Variants in SLC24A2 observed in about 807,000 individuals in gnomAD.
The protein encoded by SLC24A2 is sodium/potassium/calcium exchanger 2.
SLC24A2 carries 36 observed loss-of-function variants against 62.0 expected under a neutral mutation model. That is an observed-to-expected ratio of 0.58 (90% CI 0.44 to 0.77). The LOEUF (loss-of-function observed/expected upper bound fraction) is 0.77. Ranked by LOEUF, SLC24A2 falls within the 30% of genes least tolerant of loss-of-function variation. SLC24A2 has a pLI of 0.00. For synonymous variants in SLC24A2, 358 were observed against 294.0 expected (o/e 1.22, Z -2.23); for missense variants, 846 against 817.9 (o/e 1.03, Z -0.42).
the SLC24A2 span, among the ~76,000 whole-genome samples, chr9:20,144,258 G>A: frequency 7.6e-4 from 116 of 152,302 alleles, 1 homozygote; most frequent in Non-Finnish European, 1.5e-3. Flanking sequence ...CAAAGCTTCT[G>A]CCAGGAATGT....
At chr9:20,049,106 T>A in the SLC24A2 span, among the ~76,000 whole-genome samples, 59 of 152,120 alleles carry the variant, frequency 3.9e-4, no homozygotes, top group Non-Finnish European at 1.9e-4. Context: ...CAACTATATA[T>A]GGAAAGGGCT....
the SLC24A2 span, among the ~76,000 whole-genome samples, chr9:19,886,292 T>A: frequency 6.6e-6 from 1 of 152,216 alleles, no homozygotes; most frequent in Non-Finnish European, 1.5e-5. Flanking sequence ...ATAGCCTTTC[T>A]GACTAGTGTG....
the SLC24A2 span, among the ~76,000 whole-genome samples, chr9:20,273,496 G>A: frequency 9.9e-5 from 15 of 152,240 alleles, no homozygotes; most frequent in East Asian, 2.1e-3. Flanking sequence ...TCATGGAGGC[G>A]AGTCTTTCCC....
the SLC24A2 span, among the ~76,000 whole-genome samples, chr9:20,232,633 T>C: frequency 2.6e-5 from 4 of 152,194 alleles, no homozygotes; most frequent in African/African-American, 4.8e-5. Flanking sequence ...TCTTTTCTTC[T>C]TTATTAGTCT....
At chr9:19,547,955 T>A (rs1006913749) in intron 8 of SLC24A2, among the ~76,000 whole-genome samples, 3 of 151,716 alleles carry the variant, frequency 2.0e-5, no homozygotes, top group African/African-American at 7.3e-5. Context: ...AAGCCAGGCC[T>A]TTGCATAGTG....
chr9:20,271,651 G>A, the SLC24A2 span, among the ~76,000 whole-genome samples: 22 of 152,214 alleles, frequency 1.4e-4, no homozygotes, highest in African/African-American at 5.1e-4. Flanking sequence ...AAAAGCTCAA[G>A]CAAGAGACTG....
At chr9:19,530,591 A>G (rs1833657351) in intron 8 of SLC24A2, among the ~76,000 whole-genome samples, 2 of 152,220 alleles carry the variant, frequency 1.3e-5, no homozygotes, top group Non-Finnish European at 2.9e-5. Flanking sequence ...TGAGCTACAG[A>G]AAATTCCTAG....
At chr9:19,805,531 G>A in the SLC24A2 span, among the ~76,000 whole-genome samples, 1 of 152,136 alleles carries the variant, frequency 6.6e-6, no homozygotes, top group African/African-American at 2.4e-5. Context: ...TGCTCTGTCA[G>A]GGCAAGTACG....
chr9:19,961,480 AT>A, the SLC24A2 span, among the ~76,000 whole-genome samples: 1 of 152,176 alleles, frequency 6.6e-6, no homozygotes, highest in East Asian at 1.9e-4. Context: ...AACTCTACAT[AT>A]TAAGTAGTGG....
the SLC24A2 span, among the ~76,000 whole-genome samples, chr9:19,980,822 A>G: frequency 6.6e-6 from 1 of 152,148 alleles, no homozygotes; most frequent in Admixed American, 6.5e-5. Context: ...GATAACATGT[A>G]CATTCCTAGC....
chr9:20,024,244 C>T, the SLC24A2 span, among the ~76,000 whole-genome samples: 1 of 152,280 alleles, frequency 6.6e-6, no homozygotes, highest in African/African-American at 2.4e-5. Context: ...GGTTGAAAAT[C>T]TTGGGAATGT....
At chr9:19,967,364 T>C in the SLC24A2 span, 1 of 152,192 alleles carries the variant, frequency 6.6e-6, no homozygotes, top group African/African-American at 2.4e-5. Flanking sequence ...AACTGGTTTT[T>C]AATTCTTAGC....
chr9:19,529,625 T>A (rs967887882), intron 8 of SLC24A2, among the ~76,000 whole-genome samples: 1 of 152,220 alleles, frequency 6.6e-6, no homozygotes, highest in African/African-American at 2.4e-5. Flanking sequence ...CCCTGCTCCC[T>A]TTCTTTCTTA....
chr9:20,305,162 G>A, the SLC24A2 span, among the ~76,000 whole-genome samples: 6,741 of 148,632 alleles, frequency 0.045, 176 homozygotes, highest in Non-Finnish European at 0.064. Flanking sequence ...ACGCTGGAGT[G>A]CAGTGGCACA....
chr9:19,636,330 T>TTCTTTTCCTTTTC (rs1491510974), intron 2 of SLC24A2, among the ~76,000 whole-genome samples: 1 of 30,236 alleles, frequency 3.3e-5, no homozygotes, highest in Non-Finnish European at 6.8e-5. Context: ...TTTCTTTCTT[T>TTCTTTTCCTTTTC]CTTTCTTTCT....
At chr9:20,173,232 C>T in the SLC24A2 span, among the ~76,000 whole-genome samples, 21 of 151,960 alleles carry the variant, frequency 1.4e-4, no homozygotes, top group Non-Finnish European at 2.2e-4. Flanking sequence ...TAATACTGAA[C>T]GGGGAAAAGC....
the SLC24A2 span, among the ~76,000 whole-genome samples, chr9:20,285,362 A>G: frequency 4.6e-5 from 7 of 152,236 alleles, no homozygotes; most frequent in Non-Finnish European, 8.8e-5. Context: ...ATTGATATGC[A>G]GAGTGAATCG....
the SLC24A2 span, among the ~76,000 whole-genome samples, chr9:20,070,032 A>G: frequency 6.6e-6 from 1 of 152,192 alleles, no homozygotes; most frequent in South Asian, 2.1e-4. Flanking sequence ...TTCCAGGAAA[A>G]TCTTTGACTT....
At chr9:20,301,309 G>A in the SLC24A2 span, among the ~76,000 whole-genome samples, 1 of 152,102 alleles carries the variant, frequency 6.6e-6, no homozygotes, top group Non-Finnish European at 1.5e-5. Flanking sequence ...ATTGTTGTCT[G>A]GGGAGTACAT....
Sources: gnomAD v4.1 joint callset for allele counts (sites outside exome capture counted in the v4.1 genomes callset) on GRCh38, gnomAD v4.1.1 for gene constraint, MANE v1.5 for transcripts, NCBI Gene and HGNC (gene_info 2026-07-23, HGNC 2026-07-21) for gene names.